Variants in SREK1IP1 observed in about 807,000 individuals in gnomAD.
The protein encoded by SREK1IP1 is protein SREK1IP1.
A neutral mutation model predicts 22.8 loss-of-function variants in SREK1IP1; 12 were observed. That is an observed-to-expected ratio of 0.53 (90% confidence interval 0.34 to 0.85). The LOEUF (loss-of-function observed/expected upper bound fraction) is 0.85. SREK1IP1 is among the 40% of genes least tolerant of loss of function. The pLI, the probability that SREK1IP1 is intolerant of heterozygous loss-of-function variation, is 0.02. For missense variants in SREK1IP1, 147 were observed against 171.8 expected (o/e 0.86, Z 0.81); for synonymous variants, 53 against 52.7 (o/e 1.01, Z -0.02).
chr5:64,724,405 A>T lies in SREK1IP1; in HGVS notation c.447T>A (p.Ser149Arg). 1 of 1,563,080 alleles carries T rather than the reference A, an allele frequency of 6.4e-7. No homozygotes were observed. The highest frequency in any genetic ancestry group is 8.6e-7 in the Non-Finnish European group (1 of 1,164,160). ...KKEKHSSTPN[S>R]SEFSRK ...TCAGTTACTTTCTGGAGAATTCAGA[A>T]CTATTAGGTGTAGAAGAATGCTTTT... The change falls in exon 5 of 5, where the codon AGT becomes AGA. Residue 149 changes from serine to arginine, a missense_variant. Coordinates refer to ENST00000513458, the MANE Select transcript of SREK1IP1 (RefSeq NM_173829.4).
At chr5:64,752,365 A>ATGGTCTCG (rs1460202399) in intron 2 of SREK1IP1, among the ~76,000 whole-genome samples, 1 of 151,654 alleles carries the variant, frequency 6.6e-6, no homozygotes, top group Non-Finnish European at 1.5e-5. Flanking sequence ...GTTACCTAGG[A>ATGGTCTCG]TGGTCTCGAT....
intron 2 of SREK1IP1, among the ~76,000 whole-genome samples, chr5:64,746,599 G>A (rs118000865): frequency 6.6e-6 from 1 of 152,258 alleles, no homozygotes; most frequent in East Asian, 1.9e-4. Flanking sequence ...AACATCATTA[G>A]TCATTAAAGA....
At chr5:64,746,593 T>A (rs1398594606) in intron 2 of SREK1IP1, among the ~76,000 whole-genome samples, 1 of 152,178 alleles carries the variant, frequency 6.6e-6, no homozygotes, top group Non-Finnish European at 1.5e-5. Flanking sequence ...ATACTTAACA[T>A]CATTAGTCAT....
At chr5:64,733,918 T>C (rs1156820796) in intron 3 of SREK1IP1, among the ~76,000 whole-genome samples, 1 of 152,070 alleles carries the variant, frequency 6.6e-6, no homozygotes, top group Admixed American at 6.5e-5. Flanking sequence ...GAAATGACAA[T>C]ATTATAAAAA....
At chr5:64,751,578 T>G (rs1338625123) in intron 2 of SREK1IP1, among the ~76,000 whole-genome samples, 2 of 152,216 alleles carry the variant, frequency 1.3e-5, no homozygotes, top group Non-Finnish European at 2.9e-5. Context: ...TGTTCTTCAC[T>G]GTCCAGGACT....
At chr5:64,747,103 G>A (rs990428355) in intron 2 of SREK1IP1, among the ~76,000 whole-genome samples, 3 of 152,190 alleles carry the variant, frequency 2.0e-5, no homozygotes, top group Admixed American at 6.5e-5. Context: ...TGCCACAATC[G>A]TGGCACTTCT....
chr5:64,754,421 T>C, intron 1 of SREK1IP1, 59 bp from the exon 2 acceptor site: 1 of 1,515,710 alleles, frequency 6.6e-7, no homozygotes. Flanking sequence ...ACTTAAAAAC[T>C]TTATTGTATG....
At position 64,718,327 on chromosome 5, in the gene SREK1IP1, G is replaced by A. The variant is rs1442823303; in HGVS notation, c.*6057C>T. ...CAGTCCTATCTCAGTGAAGAACAGTGAGAAGTTTATGTCACATTACCAGCA... is the reference window on the plus strand; with the variant it reads ...CAGTCCTATCTCAGTGAAGAACAGTAAGAAGTTTATGTCACATTACCAGCA... On this transcript the variant is annotated 3_prime_UTR_variant, in exon 5 of 5. Transcript: ENST00000513458. 4.8e-6 allele frequency: 1 copy of A among 209,588 alleles called. No individual in the cohort carries two copies. The highest frequency in any genetic ancestry group is 2.3e-5 in the African/African-American group (1 of 42,960). 13.0% of individuals were successfully genotyped at this position (209,588 alleles called of 1,614,324 possible).
chr5:64,761,771 C>T (rs1368187269), intron 1 of SREK1IP1, among the ~76,000 whole-genome samples: 2 of 152,158 alleles, frequency 1.3e-5, no homozygotes, highest in South Asian at 2.1e-4. Context: ...TACGCGTGTG[C>T]GTATACACAC....
intron 3 of SREK1IP1, among the ~76,000 whole-genome samples, chr5:64,735,706 C>G (rs911963088): frequency 2.4e-4 from 36 of 151,984 alleles, no homozygotes; most frequent in African/African-American, 8.2e-4. Context: ...GTAGTGTTAT[C>G]GATTCTCTCA....
At chr5:64,738,186 C>A (rs1742496053) in intron 3 of SREK1IP1, among the ~76,000 whole-genome samples, 1 of 152,092 alleles carries the variant, frequency 6.6e-6, no homozygotes, top group South Asian at 2.1e-4. Flanking sequence ...AAAATTCTAG[C>A]AAACCAAACT....
intron 1 of SREK1IP1, among the ~76,000 whole-genome samples, chr5:64,767,564 G>A (rs1238284788): frequency 6.6e-6 from 1 of 152,190 alleles, no homozygotes; most frequent in Non-Finnish European, 1.5e-5. Flanking sequence ...GTTCAAAAAG[G>A]CTGCCACAGA....
chr5:64,734,483 T>C (rs1046453102), intron 3 of SREK1IP1, among the ~76,000 whole-genome samples: 2 of 151,236 alleles, frequency 1.3e-5, no homozygotes, highest in Admixed American at 6.6e-5. Flanking sequence ...GGAATTTTGA[T>C]TGTGATTCCT....
At chr5:64,727,553 A>ATATATATATATTTTTTTTTTT in intron 4 of SREK1IP1, 6 of 84,672 alleles carry the variant, frequency 7.1e-5, no homozygotes, top group African/African-American at 3.3e-4. Context: ...ATATATATAT[A>ATATATATATATTTTTTTTTTT]TTTTTTTTTT....
intron 3 of SREK1IP1, among the ~76,000 whole-genome samples, chr5:64,728,997 G>T: frequency 6.6e-6 from 1 of 152,082 alleles, no homozygotes; most frequent in East Asian, 1.9e-4. Flanking sequence ...TCGAGACTAG[G>T]CTGGACAACA....
At chr5:64,748,216 C>T (rs1483739026) in intron 2 of SREK1IP1, among the ~76,000 whole-genome samples, 1 of 152,106 alleles carries the variant, frequency 6.6e-6, no homozygotes, top group Non-Finnish European at 1.5e-5. Flanking sequence ...ACTATGAAAA[C>T]ATTATGCTAA....
At chr5:64,762,220 T>G (rs1742963384) in intron 1 of SREK1IP1, among the ~76,000 whole-genome samples, 1 of 152,198 alleles carries the variant, frequency 6.6e-6, no homozygotes. Context: ...TAGAATCGCT[T>G]AAATTTAAAC....
intron 2 of SREK1IP1, among the ~76,000 whole-genome samples, chr5:64,742,942 A>G (rs909508670): frequency 6.6e-6 from 1 of 152,224 alleles, no homozygotes; most frequent in African/African-American, 2.4e-5. Context: ...TGAATCATTC[A>G]GAAGCACTCT....
At chr5:64,742,517 G>A (rs985718158) in intron 2 of SREK1IP1, among the ~76,000 whole-genome samples, 9 of 152,172 alleles carry the variant, frequency 5.9e-5, no homozygotes, top group Admixed American at 1.3e-4. Flanking sequence ...TTCATTTCAC[G>A]ATCCACTAAT....
Sources: gnomAD v4.1 joint callset for allele counts (sites outside exome capture counted in the v4.1 genomes callset) on GRCh38, gnomAD v4.1.1 for gene constraint, MANE v1.5 for transcripts, NCBI Gene and HGNC (gene_info 2026-07-23, HGNC 2026-07-21) for gene names.